Variants in HTR4 observed in about 807,000 individuals in gnomAD.
The protein encoded by HTR4 is 5-hydroxytryptamine receptor 4, also known as 5-hydroxytryptamine (serotonin) receptor 4, G protein-coupled.
HTR4 carries 16 observed loss-of-function variants against 36.8 expected under a neutral mutation model. The ratio of observed to expected loss-of-function variants is 0.43; its 90% confidence interval spans 0.29 to 0.66. The LOEUF (loss-of-function observed/expected upper bound fraction) is 0.66, where lower values mean the gene tolerates loss of function less well. Among genes scored for constraint, HTR4 ranks in the 30% least tolerant of loss-of-function variants. HTR4 has a pLI of 0.13. For missense variants in HTR4, 438 were observed against 490.9 expected (o/e 0.89, Z 1.02); for synonymous variants, 189 against 185.1 (o/e 1.02, Z -0.17).
chr5:148,549,405 A>G (rs933680475), intron 3 of HTR4, among the ~76,000 whole-genome samples: 1 of 152,094 alleles, frequency 6.6e-6, no homozygotes. Flanking sequence ...TTGCATCATC[A>G]TTAGATGTGT....
chr5:148,579,073 T>C (rs965546994), intron 2 of HTR4, among the ~76,000 whole-genome samples: 25 of 152,080 alleles, frequency 1.6e-4, no homozygotes, highest in African/African-American at 5.8e-4. Flanking sequence ...TGTTTTCTTA[T>C]AGGAGAATTT....
chr5:148,484,469 A>T (rs1168034055), intron 6 of HTR4: 1 of 1,249,946 alleles, frequency 8.0e-7, no homozygotes, highest in Non-Finnish European at 1.1e-6. Context: ...TCTGGAGATT[A>T]GCTTTAGTGT....
At chr5:148,549,018 C>A in intron 3 of HTR4, 150 bp from the exon 4 acceptor site, 1 of 654,294 alleles carries the variant, frequency 1.5e-6, no homozygotes, top group Non-Finnish European at 2.7e-6. Context: ...AAGTCACATG[C>A]TTAGTGTATT....
chr5:148,592,422 A>C (rs959818308), intron 2 of HTR4, among the ~76,000 whole-genome samples: 3 of 152,096 alleles, frequency 2.0e-5, no homozygotes, highest in African/African-American at 7.2e-5. Flanking sequence ...TTTACTGAGA[A>C]TAGATGCCTA....
intron 2 of HTR4, among the ~76,000 whole-genome samples, chr5:148,569,961 A>G (rs985247851): frequency 6.6e-6 from 1 of 152,132 alleles, no homozygotes; most frequent in Non-Finnish European, 1.5e-5. Context: ...ACTGAAGAAT[A>G]AGGAAAGACT....
chr5:148,451,409 G>T, intron 5 of HTR4: 1 of 1,447,456 alleles, frequency 6.9e-7, no homozygotes. Flanking sequence ...GTGGGGATGG[G>T]GTGATACTTC....
chr5:148,523,131 T>C lies in HTR4; in HGVS notation c.507+62A>G, dbSNP rs1011072275. The C allele has an allele frequency of 1.3e-5, 19 of 1,414,906 alleles. No homozygotes were observed. The African/African-American group carries it at 2.3e-4, about 17-fold the overall frequency. The allele number at this position is 1,414,906 out of a possible 1,614,324, so 87.6% of individuals were successfully genotyped here. A position where few individuals can be genotyped will look rare whatever the true frequency, so the allele number is the denominator to read the frequency against. Reference sequence around the variant, plus strand: ...TACTCAATCTAATATTATTTATTCATTTAGGAACCCCATGCAAAGTTGATC... The same window carrying C: ...TACTCAATCTAATATTATTTATTCACTTAGGAACCCCATGCAAAGTTGATC... On this transcript the variant is annotated intron_variant, in intron 5 of 6. Coordinates refer to ENST00000377888, the MANE Select transcript of HTR4 (RefSeq NM_000870.7).
chr5:148,611,132 A>G (rs1402037320), intron 2 of HTR4, among the ~76,000 whole-genome samples: 1,698 of 146,660 alleles, frequency 0.012, 19 homozygotes, highest in Non-Finnish European at 0.016. Context: ...AATTTCCCCA[A>G]TCTAGCAAGG....
chr5:148,468,303 C>T (rs1309785946), intron 5 of HTR4, among the ~76,000 whole-genome samples: 3 of 152,208 alleles, frequency 2.0e-5, no homozygotes, highest in Non-Finnish European at 4.4e-5. Flanking sequence ...GTGCTTCAAA[C>T]ACCTGGATAG....
At chr5:148,474,855 G>T (rs1023124119), downstream of HTR4, among the ~76,000 whole-genome samples, 11 of 152,078 alleles carry the variant, frequency 7.2e-5, no homozygotes, top group Non-Finnish European at 5.9e-5. Flanking sequence ...AGACCAGCCT[G>T]GGCAACACGG....
chr5:148,534,510 C>A (rs1009713872), intron 4 of HTR4, among the ~76,000 whole-genome samples: 1 of 152,202 alleles, frequency 6.6e-6, no homozygotes, highest in Non-Finnish European at 1.5e-5. Context: ...AACTCAGGAC[C>A]TCCCGGGACA....
intron 6 of HTR4, among the ~76,000 whole-genome samples, chr5:148,503,714 C>T (rs554716477): frequency 1.3e-5 from 2 of 152,254 alleles, no homozygotes; most frequent in South Asian, 2.1e-4. Flanking sequence ...GATAAAGAGT[C>T]AAGACCCATC....
intron 4 of HTR4, among the ~76,000 whole-genome samples, chr5:148,540,193 G>A (rs543171184): frequency 2.0e-5 from 3 of 151,462 alleles, no homozygotes; most frequent in Non-Finnish European, 2.9e-5. Flanking sequence ...ACACAAAAAA[G>A]GGAACAAAAG....
chr5:148,616,133 A>G (rs961444645), intron 2 of HTR4, among the ~76,000 whole-genome samples: 6 of 152,234 alleles, frequency 3.9e-5, no homozygotes, highest in African/African-American at 1.2e-4. Context: ...AAATATGAGG[A>G]GCTTGTGAGT....
chr5:148,622,686 A>G (rs565254494), intron 2 of HTR4, among the ~76,000 whole-genome samples: 4 of 152,364 alleles, frequency 2.6e-5, no homozygotes, highest in South Asian at 2.1e-4. Flanking sequence ...TTCCTTATCT[A>G]TAAGTTGGGT....
intron 2 of HTR4, chr5:148,628,532 T>C (rs1391440239): frequency 6.6e-6 from 1 of 152,214 alleles, no homozygotes; most frequent in Non-Finnish European, 1.5e-5. Context: ...CTAAATTATA[T>C]ATACCTTAGG....
intron 4 of HTR4, among the ~76,000 whole-genome samples, chr5:148,541,880 TGCAGATCCCGGCATCA>T (rs1342779013): frequency 6.6e-6 from 1 of 152,098 alleles, no homozygotes; most frequent in Non-Finnish European, 1.5e-5. Context: ...CCACAGCCCC[TGCAGATCCCGGCATCA>T]GCATCACTTG....
chr5:148,534,830 C>T (rs1758735558), intron 4 of HTR4, among the ~76,000 whole-genome samples: 1 of 152,072 alleles, frequency 6.6e-6, no homozygotes, highest in African/African-American at 2.4e-5. Context: ...GCAAAAGACC[C>T]TTGTCCACAA....
chr5:148,504,863 C>T (rs9763488), intron 6 of HTR4, among the ~76,000 whole-genome samples: 69,093 of 151,970 alleles, frequency 0.45, 16,113 homozygotes, highest in African/African-American at 0.56. Flanking sequence ...ATACTATAAA[C>T]ACCTCTACGC....
Sources: allele counts gnomAD v4.1 joint callset (sites outside exome capture counted in the v4.1 genomes callset), GRCh38; gene constraint gnomAD v4.1.1; transcripts MANE v1.5; gene names NCBI Gene and HGNC (gene_info 2026-07-23, HGNC 2026-07-21).